Variants in ZNF239 observed in about 807,000 individuals in gnomAD.
The protein encoded by ZNF239 is zinc finger protein 239.
ZNF239 carries 16 observed loss-of-function variants against 27.5 expected under a neutral mutation model. That is an observed-to-expected ratio of 0.58 (90% confidence interval 0.39 to 0.88). ZNF239 has a LOEUF of 0.88. Ranked by LOEUF, ZNF239 falls within the 40% of genes least tolerant of loss-of-function variation. The pLI is 0.00. For synonymous variants in ZNF239, 199 were observed against 192.6 expected, an observed-to-expected ratio of 1.03 and a Z score of -0.27; for missense variants, 527 against 551.9, an observed-to-expected ratio of 0.95 and a Z score of 0.45.
chr10:43,568,824 C>A (rs917027734), intron 2 of ZNF239, among the ~76,000 whole-genome samples: 10 of 152,000 alleles, frequency 6.6e-5, no homozygotes, highest in African/African-American at 1.9e-4. Context: ...CCGAGGTGGG[C>A]GGATCACTTG....
chr10:43,569,315 C>A (rs573715689), intron 2 of ZNF239, among the ~76,000 whole-genome samples: 28 of 152,292 alleles, frequency 1.8e-4, no homozygotes, highest in Admixed American at 1.7e-3. Flanking sequence ...TGACTCTACT[C>A]CTGCTCCCCC....
At chr10:43,574,301 C>G (rs1397006977) in intron 1 of ZNF239, among the ~76,000 whole-genome samples, 1 of 152,212 alleles carries the variant, frequency 6.6e-6, no homozygotes, top group Non-Finnish European at 1.5e-5. Flanking sequence ...GGCCGCTCAG[C>G]TGCAGGGCCC....
chr10:43,568,738 G>A (rs1025151583), intron 2 of ZNF239, among the ~76,000 whole-genome samples: 8 of 152,078 alleles, frequency 5.3e-5, no homozygotes, highest in Non-Finnish European at 7.4e-5. Flanking sequence ...ACACTGGGAC[G>A]TCTAAAGTGC....
chr10:43,559,544 G>A (rs969651617), intron 3 of ZNF239, among the ~76,000 whole-genome samples: 1 of 152,196 alleles, frequency 6.6e-6, no homozygotes, highest in African/African-American at 2.4e-5. Context: ...GAACTGCCTT[G>A]TATAATCTGT....
rs770889653 is a variant in ZNF239 at position 43,558,111 on chromosome 10, T to G, written c.-32A>C. The G allele has an allele frequency of 5.7e-6, 9 of 1,590,012 alleles. No individual in the cohort carries two copies. The East Asian group carries it at 2.0e-4, about 36-fold the overall frequency. ...CAAAACTAGCCAGGAGGAAAGCTCA[T>G]GTAACAGATCCTGAAGTGTTTTCTG... On this transcript the variant is annotated 5_prime_UTR_variant, in exon 4 of 4. An upstream start codon of the reference 5' UTR is lost. Coordinates refer to ENST00000374446, the MANE Select transcript of ZNF239 (RefSeq NM_001099282.2).
At chr10:43,561,381 A>T (rs1837242278) in intron 3 of ZNF239, among the ~76,000 whole-genome samples, 1 of 152,198 alleles carries the variant, frequency 6.6e-6, no homozygotes, top group Non-Finnish European at 1.5e-5. Context: ...AGAAAATGCT[A>T]AAAGCTTCCA....
chr10:43,557,490 T>C lies in ZNF239; in HGVS notation c.590A>G (p.Tyr197Cys). Residue 197 changes from tyrosine to cysteine, a missense_variant, in exon 4 of 4, where the codon TAT becomes TGT. Tyr to Cys is a radical substitution (Grantham distance 194). Transcript: ENST00000374446. ...ILNTSPDGHP[Y>C]EKIHTAEKQY... ...TTTCTCTGCAGTGTGGATTTTCTCA[T>C]ATGGATGACCATCTGGGCTGGTGTT... 6.2e-7 allele frequency: 1 copy of C among 1,614,142 alleles called. No homozygotes were observed. The highest frequency in any genetic ancestry group is 8.5e-7 in the Non-Finnish European group (1 of 1,179,984).
chr10:43,559,517 A>C (rs1304086885), intron 3 of ZNF239, among the ~76,000 whole-genome samples: 1 of 152,198 alleles, frequency 6.6e-6, no homozygotes, highest in Non-Finnish European at 1.5e-5. Flanking sequence ...GAAGAGGCTG[A>C]AGTAGGGAAG....
chr10:43,569,170 C>T (rs1181844005), intron 2 of ZNF239, among the ~76,000 whole-genome samples: 5 of 152,156 alleles, frequency 3.3e-5, no homozygotes, highest in African/African-American at 1.2e-4. Flanking sequence ...CATTCTCATC[C>T]TCACATCTCA....
rs1189317136 is a variant in ZNF239 at position 43,573,625 on chromosome 10, AC to A, written c.-216+11del. ...GAGATGGCATTTTAGGAGAAATGGA[AC>A]GCCAACTCACCCGGACCCTGGTCAT... On this transcript the variant is annotated intron_variant, in intron 2 of 3. Transcript: ENST00000374446. 13 of 985,346 alleles carry A rather than the reference AC, an allele frequency of 1.3e-5. No individual in the cohort carries two copies. Among genetic ancestry groups the A allele is most frequent in the Non-Finnish European group, 1.6e-5 (13 of 829,952 alleles). The allele number at this position is 985,346 out of a possible 1,614,324, so 61.0% of individuals were successfully genotyped here.
At chr10:43,563,859 T>C (rs1426148078) in intron 3 of ZNF239, among the ~76,000 whole-genome samples, 1 of 152,060 alleles carries the variant, frequency 6.6e-6, no homozygotes, top group East Asian at 1.9e-4. Context: ...ACTGGCACTA[T>C]CTCAGCTCAC....
rs915571312 is a variant in ZNF239, at chr10:43,557,724, T to C, written c.356A>G (p.Lys119Arg). 1 of 1,614,038 alleles carries C rather than the reference T, an allele frequency of 6.2e-7. No homozygotes were observed. The highest frequency in any genetic ancestry group is 1.3e-5 in the African/African-American group (1 of 74,950). ...CAGTTCTTGTCCATCAGACACCAGT[T>C]TAACTTGAAGGTTCTCTGAACAACT... is the stretch of plus-strand genomic sequence containing the variant. ...GESCSENLQV[K>R]LVSDGQELAS... Residue 119 changes from lysine to arginine, a missense_variant, in exon 4 of 4, where the codon AAA becomes AGA. By Grantham distance (26) the Lys-to-Arg change is conservative. Transcript: ENST00000374446.
chr10:43,570,902 C>T, intron 2 of ZNF239: 1 of 985,062 alleles, frequency 1.0e-6, no homozygotes. Context: ...TGGTGGACTA[C>T]TAACTTTGTG....
intron 3 of ZNF239, among the ~76,000 whole-genome samples, chr10:43,563,210 G>A (rs1285383179): frequency 6.6e-6 from 1 of 152,136 alleles, no homozygotes; most frequent in Admixed American, 6.5e-5. Context: ...AGCTACTCAG[G>A]AGGCTGAGTC....
At chr10:43,570,860 G>A (rs990653423) in intron 2 of ZNF239, 61 of 985,098 alleles carry the variant, frequency 6.2e-5, no homozygotes, top group African/African-American at 1.2e-4. Context: ...AATGGCAGGC[G>A]GGACTCCATT....
rs894249088 is a variant in ZNF239 at position 43,557,110 on chromosome 10, A to G, written c.970T>C (p.Cys324Arg). The change falls in exon 4 of 4, where the codon TGT (cysteine) becomes CGT (arginine). Residue 324 changes from cysteine (C) to arginine (R), a missense_variant. By Grantham distance (180) the Cys-to-Arg change is radical. Transcript: ENST00000374446. ...GAGCGCTGACTGAAGCTCATACCAC[A>G]CTCCTCACACTCATAGGGCTTCTCT... ...TGEKPYECEE[C>R]GMSFSQRSNL... 23 of 1,611,272 alleles carry G rather than the reference A, an allele frequency of 1.4e-5. No homozygotes were observed. Among genetic ancestry groups the G allele is most frequent in the Admixed American group, 1.7e-5 (1 of 59,752 alleles).
chr10:43,557,595 G>A lies in ZNF239; in HGVS notation c.485C>T (p.Ser162Leu). The change falls in exon 4 of 4, where the codon TCA becomes TTA. Residue 162 changes from serine to leucine, a missense_variant. Transcript: ENST00000374446. ...CTGCTGACTACAACTGACCACCTGTGATTTCCATCCATGAATGTCTTTGCA... is the reference window on the plus strand; with the variant it reads ...CTGCTGACTACAACTGACCACCTGTAATTTCCATCCATGAATGTCTTTGCA... Reference protein sequence around the residue: ...CNCKDIHGWKSQVVSCSQQRA... With the variant: ...CNCKDIHGWKLQVVSCSQQRA... 1 of 1,614,134 alleles carries A rather than the reference G, an allele frequency of 6.2e-7. No homozygotes were observed. The highest frequency in any genetic ancestry group is 8.5e-7 in the Non-Finnish European group (1 of 1,180,040).
rs376462449 is a variant in ZNF239, at chr10:43,571,493, CT to C, written c.-216+2143del. Reference sequence around the variant, plus strand: ...AGATCTCATAGCATCTTTCACATCCCTCTACTATAGCTATTAAGTCTCTCCC... The same window carrying C: ...AGATCTCATAGCATCTTTCACATCCCCTACTATAGCTATTAAGTCTCTCCC... On this transcript the variant is annotated intron_variant, in intron 2 of 3. Transcript: ENST00000374446. 1.6e-3 allele frequency among the ~76,000 whole-genome samples: 243 copies of C among 152,006 alleles called. 1 individual carries two copies. The highest frequency in any genetic ancestry group is 5.5e-3 in the African/African-American group (228 of 41,422).
intron 2 of ZNF239, chr10:43,571,074 A>C (rs1838001395): frequency 1.1e-6 from 1 of 919,438 alleles, no homozygotes; most frequent in Admixed American, 6.2e-5. Flanking sequence ...GGCACTAAGG[A>C]GTCACTCCAA....
Sources: allele counts gnomAD v4.1 joint callset (sites outside exome capture counted in the v4.1 genomes callset), GRCh38; gene constraint gnomAD v4.1.1; transcripts MANE v1.5; gene names NCBI Gene and HGNC (gene_info 2026-07-23, HGNC 2026-07-21).